XRCC4: variants seen among roughly 807,000 people sequenced by gnomAD.
The protein encoded by XRCC4 is X-ray repair cross complementing 4, also known as DNA repair protein XRCC4.
XRCC4 carries 28 observed loss-of-function variants against 39.1 expected under a neutral mutation model. That is an observed-to-expected ratio of 0.72 (90% CI 0.53 to 0.98). The LOEUF (loss-of-function observed/expected upper bound fraction) is 0.98, where lower values mean the gene tolerates loss of function less well. Ranked by LOEUF, XRCC4 falls within the 50% of genes least tolerant of loss-of-function variation. The pLI is 0.00. For synonymous variants in XRCC4, 123 were observed against 126.4 expected (o/e 0.97, Z 0.18); for missense variants, 350 against 376.4 (o/e 0.93, Z 0.58).
intron 3 of XRCC4, among the ~76,000 whole-genome samples, chr5:83,186,291 T>A (rs542800179): frequency 2.2e-4 from 33 of 152,296 alleles, no homozygotes; most frequent in Admixed American, 1.9e-3. Context: ...CCGTGAATTT[T>A]GAGGAGAACA....
chr5:83,125,036 T>G (rs1747191471), intron 3 of XRCC4, among the ~76,000 whole-genome samples: 1 of 152,180 alleles, frequency 6.6e-6, no homozygotes, highest in Non-Finnish European at 1.5e-5. Flanking sequence ...TTCTAATAGG[T>G]GTGTTATGGT....
At chr5:83,205,114 G>A (rs528576199) in intron 6 of XRCC4, among the ~76,000 whole-genome samples, 193 bp downstream of exon 6, 2 of 152,200 alleles carry the variant, frequency 1.3e-5, no homozygotes, top group East Asian at 3.9e-4. Flanking sequence ...CAACTCATTA[G>A]CACAGCAGTG....
rs1291791032 is a variant in XRCC4 at position 83,188,735 on chromosome 5, TG to T, written c.316-7033del. Among the ~76,000 whole-genome samples, 3 of 152,242 alleles carry T rather than the reference TG, an allele frequency of 2.0e-5. No homozygotes were observed. The East Asian group carries it at 5.8e-4, about 29-fold the overall frequency. On this transcript the variant is annotated intron_variant, in intron 3 of 7. Coordinates refer to ENST00000396027, the MANE Select transcript of XRCC4 (RefSeq NM_003401.5). ...GAGGCCCCACCTAGAGATACAGATT[TG>T]GCAGTTTTCAGCTTATTTTTAATAA...
At chr5:83,137,787 T>A (rs1194966558) in intron 3 of XRCC4, among the ~76,000 whole-genome samples, 1 of 152,154 alleles carries the variant, frequency 6.6e-6, no homozygotes, top group Admixed American at 6.5e-5. Flanking sequence ...AGTTCTTTCT[T>A]GTAACAGATC....
intron 3 of XRCC4, among the ~76,000 whole-genome samples, chr5:83,165,864 T>C (rs1749442224): frequency 6.6e-6 from 1 of 150,560 alleles, no homozygotes; most frequent in African/African-American, 2.5e-5. Context: ...ACCACATTTT[T>C]CTTTTTCTTT....
At chr5:83,246,206 C>A (rs1753093936) in intron 6 of XRCC4, among the ~76,000 whole-genome samples, 1 of 151,846 alleles carries the variant, frequency 6.6e-6, no homozygotes, top group Non-Finnish European at 1.5e-5. Context: ...TTTCTTTCTT[C>A]TTTTCTACTT....
At position 83,309,296 on chromosome 5, in the gene XRCC4, A is replaced by AATAT. The variant is rs1225850304; in HGVS notation, c.894-43813_894-43810dup. On this transcript the variant is annotated intron_variant, in intron 7 of 7. Coordinates refer to ENST00000396027, the MANE Select transcript of XRCC4 (RefSeq NM_003401.5). ...AAAAAAAAAAAAAAAAAAAAAAAAA[A>AATAT]ATATATATATATATATATATATATA... is the stretch of plus-strand genomic sequence containing the variant. 7.1e-3 allele frequency among the ~76,000 whole-genome samples: 515 copies of AATAT among 72,182 alleles called. 22 individuals are homozygous for AATAT. The highest frequency in any genetic ancestry group is 0.036 in the African/African-American group (420 of 11,716). 47.4% of individuals were successfully genotyped at this position (72,182 alleles called of 152,430 possible). A position where few individuals can be genotyped will look rare whatever the true frequency, so the allele number is the denominator to read the frequency against.
At chr5:83,360,806 A>G in the XRCC4 span, among the ~76,000 whole-genome samples, 23 of 151,732 alleles carry the variant, frequency 1.5e-4, no homozygotes, top group African/African-American at 5.3e-4. Flanking sequence ...ACCACAGTCA[A>G]CCATGCTATC....
intron 3 of XRCC4, among the ~76,000 whole-genome samples, chr5:83,179,312 T>G (rs550226103): frequency 6.6e-6 from 1 of 152,298 alleles, no homozygotes; most frequent in South Asian, 2.1e-4. Flanking sequence ...GTTGAAGAAA[T>G]TATTCCTGCA....
chr5:83,236,134 C>T (rs919788068), intron 6 of XRCC4, among the ~76,000 whole-genome samples: 5 of 151,960 alleles, frequency 3.3e-5, no homozygotes, highest in African/African-American at 4.8e-5. Context: ...GTTAAAATGG[C>T]CATAGACCCA....
chr5:83,082,589 A>T (rs1035721311), intron 1 of XRCC4, among the ~76,000 whole-genome samples: 2 of 152,228 alleles, frequency 1.3e-5, no homozygotes, highest in African/African-American at 4.8e-5. Flanking sequence ...GATTCATAGT[A>T]GAAGCTAACA....
chr5:83,131,791 G>A (rs1747601300), intron 3 of XRCC4, among the ~76,000 whole-genome samples: 1 of 151,840 alleles, frequency 6.6e-6, no homozygotes, highest in Non-Finnish European at 1.5e-5. Flanking sequence ...CATGAGATGG[G>A]TCTCCTGAAT....
chr5:83,254,913 C>G (rs1029681328), intron 6 of XRCC4, among the ~76,000 whole-genome samples: 1 of 151,838 alleles, frequency 6.6e-6, no homozygotes, highest in African/African-American at 2.4e-5. Flanking sequence ...ATGGTGAAAC[C>G]GTGTCTCTAC....
chr5:83,172,070 C>T (rs1308038935), intron 3 of XRCC4, among the ~76,000 whole-genome samples: 17 of 152,112 alleles, frequency 1.1e-4, no homozygotes, highest in Non-Finnish European at 1.9e-4. Flanking sequence ...TTGCAAAGGA[C>T]AATACATAGT....
rs138639812 is a variant in XRCC4 at position 83,146,051 on chromosome 5, A to T, written c.315+34848A>T. 2.0e-5 allele frequency among the ~76,000 whole-genome samples: 3 copies of T among 152,142 alleles called. No individual in the cohort carries two copies. The East Asian group carries it at 5.8e-4, about 29-fold the overall frequency. ...GTATGTTTATATTATTGAACTTTCC[A>T]CTTGTTAGGAAATTGGTACTGTGAC... On this transcript the variant is annotated intron_variant, in intron 3 of 7. Transcript: ENST00000396027.
At chr5:83,108,091 A>AGTTCCTT (rs1166624878) in intron 2 of XRCC4, among the ~76,000 whole-genome samples, 2 of 151,936 alleles carry the variant, frequency 1.3e-5, no homozygotes, top group African/African-American at 4.8e-5. Flanking sequence ...GACTTCTACC[A>AGTTCCTT]GTTCCTTGTT....
At chr5:83,172,113 C>T (rs748007050) in intron 3 of XRCC4, among the ~76,000 whole-genome samples, 4 of 151,996 alleles carry the variant, frequency 2.6e-5, no homozygotes, top group Non-Finnish European at 4.4e-5. Context: ...TGGTGGAGAA[C>T]CTTCATTATT....
chr5:83,232,544 A>G (rs1752532021), intron 6 of XRCC4, among the ~76,000 whole-genome samples: 1 of 152,048 alleles, frequency 6.6e-6, no homozygotes, highest in African/African-American at 2.4e-5. Context: ...CAGACCAAGT[A>G]AAAGAGTAGG....
chr5:83,318,192 A>G (rs1755942989), intron 7 of XRCC4, among the ~76,000 whole-genome samples: 1 of 143,060 alleles, frequency 7.0e-6, no homozygotes, highest in Non-Finnish European at 1.5e-5. Flanking sequence ...TTAGGTGTTG[A>G]TGGGACGTAT....
Sources: gnomAD v4.1 joint callset for allele counts (sites outside exome capture counted in the v4.1 genomes callset) on GRCh38, gnomAD v4.1.1 for gene constraint, MANE v1.5 for transcripts, NCBI Gene and HGNC (gene_info 2026-07-23, HGNC 2026-07-21) for gene names.